Variants in R3HDM2 observed in about 807,000 individuals in gnomAD.
The protein encoded by R3HDM2 is R3H domain containing 2.
R3HDM2 carries 38 observed loss-of-function variants against 124.5 expected under a neutral mutation model. The observed-to-expected ratio is 0.31, with a 90% CI of 0.24 to 0.40. The LOEUF (loss-of-function observed/expected upper bound fraction) is 0.40. Ranked by LOEUF, R3HDM2 falls within the 10% of genes least tolerant of loss-of-function variation. The pLI is 1.00. For missense variants in R3HDM2, 869 were observed against 1,236.9 expected (o/e 0.70, Z 4.46); for synonymous variants, 391 against 448.0 (o/e 0.87, Z 1.61).
At chr12:57,288,813 A>T in intron 12 of R3HDM2, 196 bp downstream of exon 12, 1 of 1,475,536 alleles carries the variant, frequency 6.8e-7, no homozygotes, top group Non-Finnish European at 9.2e-7. Context: ...AAAACAAAAT[A>T]AAATTAAAAA....
chr12:57,332,298 C>A (rs1027751508), intron 2 of R3HDM2, among the ~76,000 whole-genome samples: 4 of 149,774 alleles, frequency 2.7e-5, no homozygotes, highest in African/African-American at 7.4e-5. Flanking sequence ...ACCTGTAGTC[C>A]CAGCTACTTG....
At chr12:57,329,630 T>G (rs145593540) in intron 2 of R3HDM2, among the ~76,000 whole-genome samples, 6 of 152,290 alleles carry the variant, frequency 3.9e-5, no homozygotes, top group African/African-American at 1.4e-4. Context: ...GAGTAACATA[T>G]TCCCACGTCA....
chr12:57,288,517 CA>C (rs1405604506), intron 12 of R3HDM2, among the ~76,000 whole-genome samples: 6 of 152,024 alleles, frequency 3.9e-5, no homozygotes, highest in African/African-American at 1.5e-4. Context: ...AGCCAGAAGA[CA>C]CCCATTCTTT....
At chr12:57,266,991 G>A in intron 18 of R3HDM2, 160 bp from the exon 19 acceptor site, 1 of 559,566 alleles carries the variant, frequency 1.8e-6, no homozygotes. Context: ...TCACTCATCA[G>A]TTCAAAGTTA....
chr12:57,265,051 G>C (rs1305290993), intron 19 of R3HDM2, among the ~76,000 whole-genome samples: 1 of 152,136 alleles, frequency 6.6e-6, no homozygotes, highest in Non-Finnish European at 1.5e-5. Context: ...GCAGTGAAAG[G>C]CTGCATGGCA....
chr12:57,298,925 T>C (rs2050486383), intron 6 of R3HDM2, among the ~76,000 whole-genome samples: 1 of 151,936 alleles, frequency 6.6e-6, no homozygotes, highest in Admixed American at 6.6e-5. Flanking sequence ...ATCGTGCCAC[T>C]GCACTCCAGC....
At chr12:57,291,862 G>C (rs1002736724) in intron 11 of R3HDM2, among the ~76,000 whole-genome samples, 3 of 152,048 alleles carry the variant, frequency 2.0e-5, no homozygotes, top group Non-Finnish European at 4.4e-5. Flanking sequence ...TCTTCAATCT[G>C]GTAGGCAAAG....
chr12:57,268,590 T>C, intron 17 of R3HDM2, 133 bp from the exon 18 acceptor site: 1 of 955,360 alleles, frequency 1.0e-6, no homozygotes, highest in Middle Eastern at 2.7e-4. Flanking sequence ...GTTTTCCCCA[T>C]CTGCCTAAAG....
At chr12:57,408,319 G>A (rs1258620737) in intron 1 of R3HDM2, among the ~76,000 whole-genome samples, 2 of 152,076 alleles carry the variant, frequency 1.3e-5, no homozygotes, top group South Asian at 2.1e-4. Context: ...CTCCCACTTC[G>A]GACTCCCAAA....
chr12:57,290,494 T>C (rs1270733344), intron 11 of R3HDM2, among the ~76,000 whole-genome samples: 1 of 152,200 alleles, frequency 6.6e-6, no homozygotes, highest in Non-Finnish European at 1.5e-5. Flanking sequence ...TTTTATAAAA[T>C]GGGGAAAATA....
intron 17 of R3HDM2, 75 bp downstream of exon 17, chr12:57,268,847 G>A (rs1252311567): frequency 6.6e-7 from 1 of 1,514,838 alleles, no homozygotes; most frequent in African/African-American, 1.4e-5. Flanking sequence ...TTTTTAGTAT[G>A]GATGACCCTG....
chr12:57,319,936 T>C (rs540976434), intron 2 of R3HDM2, among the ~76,000 whole-genome samples: 11 of 152,150 alleles, frequency 7.2e-5, no homozygotes, highest in South Asian at 4.1e-4. Flanking sequence ...CAATTTTTTC[T>C]GGGCCAAAAC....
At chr12:57,391,695 T>C (rs887279894) in intron 2 of R3HDM2, among the ~76,000 whole-genome samples, 1 of 152,236 alleles carries the variant, frequency 6.6e-6, no homozygotes, top group Admixed American at 6.5e-5. Context: ...AGACACTGAG[T>C]AAAAGGACAT....
intron 2 of R3HDM2, among the ~76,000 whole-genome samples, chr12:57,370,512 T>C (rs981307520): frequency 2.0e-5 from 3 of 151,232 alleles, no homozygotes; most frequent in African/African-American, 7.3e-5. Flanking sequence ...TGGTGGTGCA[T>C]GCCTGTAATC....
At chr12:57,264,619 G>A (rs1399145582) in intron 19 of R3HDM2, among the ~76,000 whole-genome samples, 1 of 149,156 alleles carries the variant, frequency 6.7e-6, no homozygotes, top group Non-Finnish European at 1.5e-5. Context: ...CTTCCTTCCA[G>A]ATTTTTTTTT....
Position 57,360,014 on chromosome 12 carries a change from T to A in R3HDM2, c.-36+35735A>T, listed in dbSNP as rs1263812354. ...CAGTAAATAAATAAATAAATATATA[T>A]ATATATATACACACATATATATATA... is the stretch of plus-strand genomic sequence containing the variant. On this transcript the variant is annotated intron_variant, in intron 2 of 23. Coordinates refer to ENST00000402412, the MANE Select transcript of R3HDM2 (RefSeq NM_001394031.1). 7.3e-4 allele frequency among the ~76,000 whole-genome samples: 66 copies of A among 90,102 alleles called. 1 individual carries two copies. The highest frequency in any genetic ancestry group is 2.1e-3 in the African/African-American group (61 of 29,708). The allele number at this position is 90,102 out of a possible 152,430, so 59.1% of individuals were successfully genotyped here. A position where few individuals can be genotyped will look rare whatever the true frequency, so the allele number is the denominator to read the frequency against.
At position 57,395,833 on chromosome 12, in the gene R3HDM2, G is replaced by C; in HGVS notation, c.-105-15C>G. On this transcript the variant is annotated splice_polypyrimidine_tract_variant and intron_variant, in intron 1 of 23. Transcript: ENST00000402412. ...AAGTCTAACCTCTGGGGGAGGAGGG[G>C]GAAAAAAAAAAACAAGTTAAAAGCA... The C allele has an allele frequency of 1.0e-6, 1 of 979,974 alleles. No homozygotes were observed. The allele number at this position is 979,974 out of a possible 1,614,324, so 60.7% of individuals were successfully genotyped here.
At chr12:57,295,947 C>T (rs1037993390) in intron 9 of R3HDM2, among the ~76,000 whole-genome samples, 4 of 152,132 alleles carry the variant, frequency 2.6e-5, no homozygotes, top group Non-Finnish European at 5.9e-5. Context: ...TTGGCTCACT[C>T]CAACCTCTGC....
chr12:57,383,168 T>C (rs894000183), intron 2 of R3HDM2, among the ~76,000 whole-genome samples: 2 of 151,970 alleles, frequency 1.3e-5, no homozygotes, highest in Non-Finnish European at 2.9e-5. Flanking sequence ...AAAAATTTTT[T>C]TATTAGCCGA....
Sources: gnomAD v4.1 joint callset for allele counts (sites outside exome capture counted in the v4.1 genomes callset) on GRCh38, gnomAD v4.1.1 for gene constraint, MANE v1.5 for transcripts, NCBI Gene and HGNC (gene_info 2026-07-23, HGNC 2026-07-21) for gene names.